Variants in GPC5 observed in about 807,000 individuals in gnomAD.
The protein encoded by GPC5 is glypican 5, also known as glypican-5.
In GPC5, 47 loss-of-function variants were observed where a neutral mutation model predicts 53.9. That is an observed-to-expected ratio of 0.87 (90% CI 0.69 to 1.11). The LOEUF is 1.11. Ranked by LOEUF, GPC5 falls within the 50% of genes most tolerant of loss-of-function variation. The pLI is 0.00. For missense variants in GPC5, 748 were observed against 713.1 expected (o/e 1.05, Z -0.56); for synonymous variants, 286 against 263.3 (o/e 1.09, Z -0.84).
rs542683978 is a variant in GPC5, at chr13:92,817,565, A to G, written c.1562-48717A>G. Reference sequence around the variant, plus strand: ...GTTTACTGTACAGAATTTTGACTATATTTAATCTTTGAAAAATTAATCAGA... The same window carrying G: ...GTTTACTGTACAGAATTTTGACTATGTTTAATCTTTGAAAAATTAATCAGA... On this transcript the variant is annotated intron_variant, in intron 7 of 7. Coordinates refer to ENST00000377067, the MANE Select transcript of GPC5 (RefSeq NM_004466.6). Among the ~76,000 whole-genome samples the G allele has an allele frequency of 2.3e-3, 352 of 152,072 alleles. 4 individuals are homozygous for G. Among genetic ancestry groups the G allele is most frequent in the African/African-American group, 4.9e-3 (203 of 41,346 alleles).
chr13:92,399,310 T>C (rs573187027), intron 7 of GPC5, among the ~76,000 whole-genome samples: 2 of 152,312 alleles, frequency 1.3e-5, no homozygotes, highest in East Asian at 3.9e-4. Flanking sequence ...ATGAGTATAA[T>C]ACTAGAGACC....
chr13:91,544,053 C>T (rs1192149683), intron 2 of GPC5, among the ~76,000 whole-genome samples: 1 of 151,906 alleles, frequency 6.6e-6, no homozygotes, highest in Non-Finnish European at 1.5e-5. Flanking sequence ...ATCACAGCCT[C>T]AGTTATTTCT....
chr13:92,085,514 T>G (rs1313981869), intron 6 of GPC5, among the ~76,000 whole-genome samples: 2 of 152,186 alleles, frequency 1.3e-5, no homozygotes, highest in African/African-American at 4.8e-5. Flanking sequence ...AGTGGTTTTG[T>G]GGTAGACAAT....
intron 4 of GPC5, among the ~76,000 whole-genome samples, chr13:91,748,454 A>C (rs1372486515): frequency 1.3e-5 from 2 of 152,210 alleles, no homozygotes; most frequent in Non-Finnish European, 2.9e-5. Flanking sequence ...AATTATCACT[A>C]TCATTGTGTA....
chr13:92,423,980 A>C (rs1876705136), intron 7 of GPC5, among the ~76,000 whole-genome samples: 1 of 150,480 alleles, frequency 6.6e-6, no homozygotes, highest in Non-Finnish European at 1.5e-5. Context: ...TATCAAATTA[A>C]TATTTCTGCA....
rs111524097 is a variant in GPC5 at position 91,503,591 on chromosome 13, C to A, written c.325+54669C>A. On this transcript the variant is annotated intron_variant, in intron 2 of 7. Coordinates refer to ENST00000377067, the MANE Select transcript of GPC5 (RefSeq NM_004466.6). ...GGTCAGGAGATGGTGACCCTCCTGG[C>A]CAACATGGTGAAACCCTGTCTCTAT... Among the ~76,000 whole-genome samples the A allele has an allele frequency of 8.6e-5, 13 of 151,382 alleles. 1 individual carries two copies. The highest frequency in any genetic ancestry group is 3.2e-4 in the African/African-American group (13 of 41,250).
chr13:92,332,341 G>C (rs760579295), intron 7 of GPC5, among the ~76,000 whole-genome samples: 22 of 152,080 alleles, frequency 1.4e-4, no homozygotes, highest in Non-Finnish European at 2.4e-4. Context: ...TCTGTTCTCT[G>C]TTTTTTACCT....
chr13:91,836,444 TA>T (rs1006792848), intron 5 of GPC5, among the ~76,000 whole-genome samples: 2 of 152,068 alleles, frequency 1.3e-5, no homozygotes, highest in African/African-American at 4.8e-5. Context: ...GCCATATAAG[TA>T]AAAAATATCT....
At chr13:92,416,012 G>A (rs1305782584) in intron 7 of GPC5, among the ~76,000 whole-genome samples, 2 of 152,230 alleles carry the variant, frequency 1.3e-5, no homozygotes, top group Admixed American at 6.5e-5. Context: ...AAATGTAGCT[G>A]TGTGAGGAAA....
rs150279150 is a variant in GPC5, at chr13:91,929,570, T to C, written c.1401+21513T>C. 1.2e-3 allele frequency among the ~76,000 whole-genome samples: 182 copies of C among 152,226 alleles called. 5 individuals carry two copies. The East Asian group carries it at 0.028, about 23-fold the overall frequency. Reference sequence around the variant, plus strand: ...AGATGTGATTTTTATTCTTTTTCCTTTTCATTGAACAGTTACTTCATTTGA... The same window carrying C: ...AGATGTGATTTTTATTCTTTTTCCTCTTCATTGAACAGTTACTTCATTTGA... On this transcript the variant is annotated intron_variant, in intron 6 of 7. Coordinates refer to ENST00000377067, the MANE Select transcript of GPC5 (RefSeq NM_004466.6).
intron 7 of GPC5, among the ~76,000 whole-genome samples, chr13:92,647,528 C>G (rs1369563531): frequency 6.6e-6 from 1 of 152,054 alleles, no homozygotes; most frequent in Non-Finnish European, 1.5e-5. Flanking sequence ...GAAGACATGA[C>G]AAGGAATCTT....
At chr13:91,674,578 TGC>T (rs1355184633) in intron 2 of GPC5, among the ~76,000 whole-genome samples, 11 of 148,514 alleles carry the variant, frequency 7.4e-5, no homozygotes, top group African/African-American at 2.5e-4. Context: ...CGCATATATA[TGC>T]GTATGTGTAT....
chr13:92,344,538 T>C (rs2043394671), intron 7 of GPC5, among the ~76,000 whole-genome samples: 1 of 152,164 alleles, frequency 6.6e-6, no homozygotes, highest in Non-Finnish European at 1.5e-5. Flanking sequence ...CAAAATTATG[T>C]AAACAGGCTT....
At chr13:92,131,623 C>T (rs1404749008) in intron 6 of GPC5, among the ~76,000 whole-genome samples, 2 of 151,848 alleles carry the variant, frequency 1.3e-5, no homozygotes, top group Admixed American at 6.6e-5. Flanking sequence ...TCATTAATAG[C>T]CTATTAACAT....
chr13:92,520,977 A>G (rs1408023419), intron 7 of GPC5, among the ~76,000 whole-genome samples: 2 of 152,182 alleles, frequency 1.3e-5, no homozygotes, highest in Admixed American at 1.3e-4. Context: ...GCATTCTTAT[A>G]CACCAATAAC....
chr13:92,634,455 T>C (rs1157789482), intron 7 of GPC5, among the ~76,000 whole-genome samples: 2 of 152,092 alleles, frequency 1.3e-5, no homozygotes, highest in African/African-American at 4.8e-5. Flanking sequence ...TGCTTTGATA[T>C]CCTGAATCAG....
chr13:91,729,105 T>C (rs2036638982), intron 4 of GPC5, among the ~76,000 whole-genome samples: 1 of 152,218 alleles, frequency 6.6e-6, no homozygotes, highest in African/African-American at 2.4e-5. Context: ...CATGATGTGA[T>C]AGGTATTACT....
At chr13:92,013,895 CAT>C (rs1392685214) in intron 6 of GPC5, among the ~76,000 whole-genome samples, 4 of 152,060 alleles carry the variant, frequency 2.6e-5, no homozygotes, top group Admixed American at 2.0e-4. Context: ...AAAATTAAAA[CAT>C]GATATATGTA....
intron 7 of GPC5, among the ~76,000 whole-genome samples, chr13:92,854,420 C>G (rs1409962247): frequency 6.7e-6 from 1 of 150,226 alleles, no homozygotes; most frequent in African/African-American, 2.4e-5. Flanking sequence ...GCTTTAATTT[C>G]AAGCCAATGC....
Sources: gnomAD v4.1 joint callset for allele counts (sites outside exome capture counted in the v4.1 genomes callset) on GRCh38, gnomAD v4.1.1 for gene constraint, MANE v1.5 for transcripts, NCBI Gene and HGNC (gene_info 2026-07-23, HGNC 2026-07-21) for gene names.